DNAH3: variants seen among roughly 807,000 people sequenced by gnomAD.
DNAH3 encodes dynein axonemal heavy chain 3, also known as axonemal beta dynein heavy chain 3.
Under a neutral mutation model 432.5 loss-of-function variants are expected in DNAH3, and 332 were observed. The observed-to-expected ratio is 0.77, with a 90% CI of 0.70 to 0.84. DNAH3 has a LOEUF of 0.84. DNAH3 is among the 40% of genes least tolerant of loss of function. The pLI is 0.00. For synonymous variants in DNAH3, 1,956 were observed against 1,900.2 expected, an observed-to-expected ratio of 1.03 and a Z score of -0.76; for missense variants, 4,861 against 5,114.0, an observed-to-expected ratio of 0.95 and a Z score of 1.51.
chr16:20,961,515 A>AAAAATAAAAT (rs71151604), intron 53 of DNAH3, among the ~76,000 whole-genome samples: 105 of 148,764 alleles, frequency 7.1e-4, no homozygotes, highest in African/African-American at 1.9e-3. Context: ...AAATGAATAA[A>AAAAATAAAAT]AAAATAAAAT....
At chr16:20,967,571 C>T (rs913430286) in intron 52 of DNAH3, among the ~76,000 whole-genome samples, 1 of 132,508 alleles carries the variant, frequency 7.5e-6, no homozygotes, top group Non-Finnish European at 1.5e-5. Context: ...GGCGTGGTCT[C>T]GGCTCACTGC....
intron 33 of DNAH3, among the ~76,000 whole-genome samples, chr16:21,039,214 C>CTTTTTTTTTT (rs200708542): frequency 6.4e-5 from 8 of 125,980 alleles, no homozygotes; most frequent in African/African-American, 1.3e-4. Context: ...TATAGTGTTG[C>CTTTTTTTTTT]TTTTTTTTTT....
chr16:20,953,649 G>A (rs1336318016), intron 55 of DNAH3, among the ~76,000 whole-genome samples: 1 of 151,468 alleles, frequency 6.6e-6, no homozygotes, highest in African/African-American at 2.4e-5. Context: ...TCCCTTCACT[G>A]CAGCCTCGAA....
chr16:21,135,900 A>G (rs2152824532), intron 6 of DNAH3, among the ~76,000 whole-genome samples: 1 of 151,504 alleles, frequency 6.6e-6, no homozygotes, highest in South Asian at 2.1e-4. Context: ...AAATTGTTTT[A>G]AACTTACAAA....
intron 3 of DNAH3, among the ~76,000 whole-genome samples, chr16:21,141,777 A>G (rs6497533): frequency 0.47 from 71,554 of 152,160 alleles, 17,332 homozygotes; most frequent in East Asian, 0.68. Context: ...TTGGCCAGGC[A>G]CGGTGGCTCA....
intron 20 of DNAH3, among the ~76,000 whole-genome samples, chr16:21,077,856 A>C (rs1226002843): frequency 6.6e-6 from 1 of 152,202 alleles, no homozygotes; most frequent in Non-Finnish European, 1.5e-5. Flanking sequence ...TGACATGTCC[A>C]AAATCACAGA....
chr16:20,961,302 A>G (rs1457345752), intron 53 of DNAH3, among the ~76,000 whole-genome samples: 1 of 152,110 alleles, frequency 6.6e-6, no homozygotes, highest in East Asian at 1.9e-4. Context: ...CAATGAGAAC[A>G]CTTGGACACA....
At chr16:20,996,943 A>C in intron 44 of DNAH3, 1 of 213,390 alleles carries the variant, frequency 4.7e-6, no homozygotes, top group Non-Finnish European at 9.3e-6. Context: ...AAAGAATTAT[A>C]ACGAATACAA....
intron 47 of DNAH3, 53 bp downstream of exon 47, chr16:20,987,252 G>A: frequency 6.2e-7 from 1 of 1,602,124 alleles, no homozygotes; most frequent in Non-Finnish European, 8.5e-7. Context: ...AAGTAACGTG[G>A]TTAAACACTT....
exon 53 of DNAH3, chr16:20,964,860 G>A (rs372533102): frequency 6.2e-7 from 1 of 1,614,110 alleles, no homozygotes; most frequent in South Asian, 1.1e-5. Flanking sequence ...AAGCGCCCAG[G>A]TAAGCCACAG....
At chr16:21,029,661 C>A (rs561321977) in intron 37 of DNAH3, among the ~76,000 whole-genome samples, 1 of 152,172 alleles carries the variant, frequency 6.6e-6, no homozygotes, top group Non-Finnish European at 1.5e-5. Flanking sequence ...TACTGTGGCG[C>A]CATACTTACT....
At chr16:20,969,178 G>T (rs939709911) in intron 52 of DNAH3, among the ~76,000 whole-genome samples, 14 of 150,710 alleles carry the variant, frequency 9.3e-5, no homozygotes, top group Admixed American at 7.3e-4. Context: ...CCCTTTGGGT[G>T]TATATGCATG....
chr16:21,021,824 A>C (rs769935212), intron 40 of DNAH3, 147 bp downstream of exon 40: 21 of 853,962 alleles, frequency 2.5e-5, no homozygotes, highest in Non-Finnish European at 3.3e-5. Context: ...AATCACTTGA[A>C]CCTGGGAGGC....
At chr16:21,115,032 C>T (rs1377324738) in intron 12 of DNAH3, among the ~76,000 whole-genome samples, 2 of 152,058 alleles carry the variant, frequency 1.3e-5, no homozygotes, top group East Asian at 3.8e-4. Flanking sequence ...GAAAATGTGG[C>T]ACATATACAC....
chr16:21,003,198 T>C lies in DNAH3; in HGVS notation c.6032A>G (p.Tyr2011Cys), dbSNP rs533973864. Reference sequence around the variant, plus strand: ...AGCTTGTTTGATAAAATAAAAATCATAGATGCTTCCTGGACCCAAAGAAAC... The same window carrying C: ...AGCTTGTTTGATAAAATAAAAATCACAGATGCTTCCTGGACCCAAAGAAAC... The change falls in exon 42 of 62, where the codon TAT (tyrosine) becomes TGT (cysteine). Residue 2011 changes from tyrosine (Y) to cysteine (C), a missense_variant. Transcript: ENST00000261383. The C allele has an allele frequency of 8.6e-5, 138 of 1,608,330 alleles. 1 individual carries two copies. The South Asian group carries it at 1.3e-3, about 16-fold the overall frequency.
intron 1 of DNAH3, among the ~76,000 whole-genome samples, chr16:21,151,048 A>G (rs980598627): frequency 2.6e-5 from 4 of 152,200 alleles, no homozygotes; most frequent in African/African-American, 9.7e-5. Flanking sequence ...CAGCAATAAA[A>G]GACCTTTGGA....
chr16:21,064,415 T>C (rs768461904), intron 24 of DNAH3, among the ~76,000 whole-genome samples: 8 of 152,200 alleles, frequency 5.3e-5, no homozygotes, highest in Non-Finnish European at 2.9e-5. Context: ...TCTGCCAACC[T>C]AGAGAATTCT....
In DNAH3 at chr16:21,106,177, TAAAAAAAAA is replaced by T. The variant is rs767198150; in HGVS notation, c.2284+304_2284+312del. On this transcript the variant is annotated intron_variant, in intron 15 of 61. Transcript: ENST00000261383. ...CCTGATGACAGAGCGAGACTCCATCTAAAAAAAAAAAAAAAAAAAAAAGAACTGGAGGTC... is the reference window on the plus strand; with the variant it reads ...CCTGATGACAGAGCGAGACTCCATCTAAAAAAAAAAAAAGAACTGGAGGTC... Among the ~76,000 whole-genome samples, 70 of 97,580 alleles carry T rather than the reference TAAAAAAAAA, an allele frequency of 7.2e-4. No homozygotes were observed. The South Asian group carries it at 0.025, about 35-fold the overall frequency. 64.0% of individuals were successfully genotyped at this position (97,580 alleles called of 152,430 possible).
intron 52 of DNAH3, among the ~76,000 whole-genome samples, chr16:20,967,805 G>A (rs2085132714): frequency 6.6e-6 from 1 of 151,908 alleles, no homozygotes; most frequent in African/African-American, 2.4e-5. Flanking sequence ...ACCGCACCTG[G>A]CCGACTTCTG....
Sources: gnomAD v4.1 joint callset for allele counts (sites outside exome capture counted in the v4.1 genomes callset) on GRCh38, gnomAD v4.1.1 for gene constraint, MANE v1.5 for transcripts, NCBI Gene and HGNC (gene_info 2026-07-23, HGNC 2026-07-21) for gene names.